The following ERBB4 variants were observed in gnomAD, a reference collection of about 807,000 sequenced individuals.
ERBB4 encodes erb-b2 receptor tyrosine kinase 4.
A neutral mutation model predicts 158.0 loss-of-function variants in ERBB4; 42 were observed. The observed-to-expected ratio is 0.27, with a 90% CI of 0.21 to 0.34. The LOEUF is 0.34. Among genes scored for constraint, ERBB4 ranks in the 10% least tolerant of loss-of-function variants. The probability of loss-of-function intolerance (pLI) is 1.00; values close to 1 mark genes in which losing one functional copy is unlikely to be tolerated. For synonymous variants in ERBB4, 583 were observed against 558.7 expected (o/e 1.04, Z -0.61); for missense variants, 1,333 against 1,624.1 (o/e 0.82, Z 3.08).
At chr2:212,336,638 A>T (rs1480813483) in intron 1 of ERBB4, among the ~76,000 whole-genome samples, 1 of 152,094 alleles carries the variant, frequency 6.6e-6, no homozygotes. Context: ...CACTGCACTG[A>T]ACTCCCTGAA....
At chr2:212,175,085 C>T in intron 1 of ERBB4, among the ~76,000 whole-genome samples, 1 of 152,004 alleles carries the variant, frequency 6.6e-6, no homozygotes, top group Non-Finnish European at 1.5e-5. Context: ...ATTCTTTCAT[C>T]AAGATCTGGT....
chr2:211,539,723 T>A (rs1488883835), intron 20 of ERBB4, among the ~76,000 whole-genome samples: 2 of 151,970 alleles, frequency 1.3e-5, no homozygotes, highest in Non-Finnish European at 2.9e-5. Flanking sequence ...CAAGCCTCCT[T>A]TAACCTTTCC....
intron 2 of ERBB4, among the ~76,000 whole-genome samples, chr2:211,953,631 C>T (rs2080941549): frequency 6.6e-6 from 1 of 151,946 alleles, no homozygotes; most frequent in African/African-American, 2.4e-5. Flanking sequence ...ATGGTGTAAG[C>T]TTCCGCTCAG....
chr2:212,439,927 G>A (rs2092218913), intron 1 of ERBB4, among the ~76,000 whole-genome samples: 1 of 152,126 alleles, frequency 6.6e-6, no homozygotes, highest in African/African-American at 2.4e-5. Context: ...CAGGGGTGGG[G>A]AGATGTACTT....
intron 1 of ERBB4, among the ~76,000 whole-genome samples, chr2:212,428,863 G>A (rs567638782): frequency 2.0e-5 from 3 of 152,112 alleles, no homozygotes; most frequent in Admixed American, 6.6e-5. Flanking sequence ...AACAGATAGA[G>A]GGATACAAGT....
chr2:211,651,287 G>A (rs2070972173), intron 16 of ERBB4, among the ~76,000 whole-genome samples: 1 of 152,136 alleles, frequency 6.6e-6, no homozygotes, highest in Non-Finnish European at 1.5e-5. Flanking sequence ...ATACATAGAT[G>A]TGCCTTTATA....
chr2:212,181,481 A>G (rs941351457), intron 1 of ERBB4, among the ~76,000 whole-genome samples: 4 of 151,692 alleles, frequency 2.6e-5, no homozygotes, highest in African/African-American at 9.7e-5. Flanking sequence ...AAATAATTTC[A>G]ATATGAAAAT....
At chr2:212,244,119 GAGAA>G (rs1238946586) in intron 1 of ERBB4, among the ~76,000 whole-genome samples, 1 of 152,084 alleles carries the variant, frequency 6.6e-6, no homozygotes, top group Non-Finnish European at 1.5e-5. Context: ...GAAAATATGA[GAGAA>G]AGAGAGACTG....
At chr2:212,177,838 G>A (rs1203780670) in intron 1 of ERBB4, among the ~76,000 whole-genome samples, 1 of 151,858 alleles carries the variant, frequency 6.6e-6, no homozygotes, top group African/African-American at 2.4e-5. Context: ...GTTTAACAAG[G>A]AAAGCTTTGC....
chr2:212,328,486 C>T (rs970046063), intron 1 of ERBB4, among the ~76,000 whole-genome samples: 1 of 151,976 alleles, frequency 6.6e-6, no homozygotes, highest in African/African-American at 2.4e-5. Flanking sequence ...AACAAGGTCA[C>T]ACTACAGAGT....
At chr2:211,550,784 A>G (rs1386745160) in intron 20 of ERBB4, among the ~76,000 whole-genome samples, 1 of 149,772 alleles carries the variant, frequency 6.7e-6, no homozygotes, top group Non-Finnish European at 1.5e-5. Context: ...AAAGCAATAC[A>G]CTTAATATGA....
chr2:211,879,141 T>C (rs1217484209), intron 3 of ERBB4, among the ~76,000 whole-genome samples: 1 of 152,064 alleles, frequency 6.6e-6, no homozygotes, highest in Non-Finnish European at 1.5e-5. Context: ...CCCCTAGAAT[T>C]CACACAGAAA....
intron 1 of ERBB4, among the ~76,000 whole-genome samples, chr2:212,465,535 A>C (rs897937224): frequency 6.6e-6 from 1 of 152,210 alleles, no homozygotes; most frequent in Admixed American, 6.5e-5. Context: ...CTATTTAAAA[A>C]ACTTAGTAAG....
At chr2:211,875,321 C>T (rs1241145867) in intron 3 of ERBB4, among the ~76,000 whole-genome samples, 2 of 152,032 alleles carry the variant, frequency 1.3e-5, no homozygotes, top group Admixed American at 6.6e-5. Context: ...CTGAATAATC[C>T]GATGCTTTGA....
intron 1 of ERBB4, among the ~76,000 whole-genome samples, chr2:212,418,415 C>G (rs2091710064): frequency 6.6e-6 from 1 of 151,474 alleles, no homozygotes; most frequent in Non-Finnish European, 1.5e-5. Context: ...AGGAGTATTG[C>G]TTAGAGTAAT....
intron 16 of ERBB4, among the ~76,000 whole-genome samples, chr2:211,657,208 T>G (rs1262034211): frequency 6.7e-6 from 1 of 150,204 alleles, no homozygotes; most frequent in Non-Finnish European, 1.5e-5. Flanking sequence ...CTGTTTAGAC[T>G]ACACAAATTA....
chr2:212,209,319 A>G (rs1212359204), intron 1 of ERBB4, among the ~76,000 whole-genome samples: 1 of 152,170 alleles, frequency 6.6e-6, no homozygotes, highest in African/African-American at 2.4e-5. Context: ...CAGTGTATAT[A>G]TGCTCTTTTT....
At chr2:211,427,028 C>T (rs116698218) in intron 22 of ERBB4, among the ~76,000 whole-genome samples, 4,108 of 152,128 alleles carry the variant, frequency 0.027, 100 homozygotes, top group African/African-American at 0.061. Flanking sequence ...AGACACACGA[C>T]ATTTTCTATT....
intron 1 of ERBB4, among the ~76,000 whole-genome samples, chr2:212,342,421 C>G (rs962126561): frequency 2.0e-5 from 3 of 152,164 alleles, no homozygotes; most frequent in African/African-American, 7.2e-5. Context: ...CATACACTCT[C>G]TTGCCTGCCA....
Sources: allele counts gnomAD v4.1 joint callset (sites outside exome capture counted in the v4.1 genomes callset), GRCh38; gene constraint gnomAD v4.1.1; transcripts MANE v1.5; gene names NCBI Gene and HGNC (gene_info 2026-07-23, HGNC 2026-07-21).